The following PTPRU variants were observed in gnomAD, a reference collection of about 807,000 sequenced individuals.
PTPRU encodes receptor-type tyrosine-protein phosphatase U.
A neutral mutation model predicts 166.3 loss-of-function variants in PTPRU; 69 were observed. The ratio of observed to expected loss-of-function variants is 0.41; its 90% CI spans 0.34 to 0.51. The LOEUF (loss-of-function observed/expected upper bound fraction) is 0.51, where lower values mean the gene tolerates loss of function less well. Among genes scored for constraint, PTPRU ranks in the 20% least tolerant of loss-of-function variants. The pLI is 0.09. For synonymous variants in PTPRU, 793 were observed against 814.0 expected (o/e 0.97, Z 0.44); for missense variants, 1,657 against 2,013.7 (o/e 0.82, Z 3.39).
chr1:29,291,634 T>C lies in PTPRU; in HGVS notation c.2319-235T>C, dbSNP rs61783730. 0.067 allele frequency among the ~76,000 whole-genome samples: 10,144 copies of C among 152,268 alleles called. 378 individuals are homozygous for C. Among genetic ancestry groups the C allele is most frequent in the Non-Finnish European group, 0.094 (6,380 of 67,998 alleles). On this transcript the variant is annotated intron_variant, in intron 14 of 29. Coordinates refer to ENST00000373779, the MANE Select transcript of PTPRU (RefSeq NM_133178.4). This position sits in a 1 kb window ranked among gnomAD's most constrained non-coding sequence, Gnocchi z 4.1. ...CCTGAAGCCACTGCTGCTCCACCCC[T>C]TTCCCTTAGCAAAGGTCCCTAGGAC...
At chr1:29,252,746 C>T (rs1444135335) in intron 1 of PTPRU, among the ~76,000 whole-genome samples, 2 of 152,218 alleles carry the variant, frequency 1.3e-5, no homozygotes, top group African/African-American at 4.8e-5. Context: ...GGGAAAAGCT[C>T]TCTCAAACGG....
At chr1:29,281,852 C>T (rs1268864620) in intron 11 of PTPRU, among the ~76,000 whole-genome samples, 3 of 152,228 alleles carry the variant, frequency 2.0e-5, no homozygotes, top group Non-Finnish European at 4.4e-5. Flanking sequence ...CACGCCAAGA[C>T]GTGACCGAGA....
At chr1:29,310,387 C>T (rs912441528) in intron 18 of PTPRU, among the ~76,000 whole-genome samples, 6 of 152,112 alleles carry the variant, frequency 3.9e-5, no homozygotes, top group African/African-American at 1.4e-4. Context: ...ACCCTGGGAA[C>T]AGGGCAGGGC....
rs778603022 is a variant in PTPRU, at chr1:29,279,526, A to G, written c.1634A>G (p.Lys545Arg). 7 of 1,613,938 alleles carry G rather than the reference A, an allele frequency of 4.3e-6. No individual in the cohort carries two copies. Among genetic ancestry groups the G allele is most frequent in the South Asian group, 3.3e-5 (3 of 91,080 alleles). The change falls in exon 10 of 30, where the codon AAG becomes AGG. Residue 545 changes from lysine to arginine, a missense_variant. Physicochemically the swap from Lys to Arg is conservative, Grantham distance 26 (BLOSUM62 2). Coordinates refer to ENST00000373779, the MANE Select transcript of PTPRU (RefSeq NM_133178.4). This position sits in a 1 kb window ranked among gnomAD's most constrained non-coding sequence, Gnocchi z 5.2. ...NVPGPRRTIS[K>R]LRNETYHVFS... ...CCAGGCCCACGACGTACCATCTCCA[A>G]GCTCCGCAATGAGACCTACCATGTC...
At chr1:29,287,471 C>T (rs980253480) in intron 14 of PTPRU, among the ~76,000 whole-genome samples, 14 of 152,062 alleles carry the variant, frequency 9.2e-5, no homozygotes, top group African/African-American at 2.7e-4. Flanking sequence ...CCAGGGGAGT[C>T]GGGTCTCCCC....
rs867812710 is a variant in PTPRU at position 29,237,892 on chromosome 1, C to T, written c.73+1175C>T. On this transcript the variant is annotated intron_variant, in intron 1 of 29. Transcript: ENST00000373779. The surrounding 1 kb of genome is among the most constrained non-coding windows in gnomAD (Gnocchi z 6.4). ...CCCGGGCGGCCGGGCGGGGGCTGTCCCCGGGCTGGGCTGCGACGTCCGGGC... is the reference window on the plus strand; with the variant it reads ...CCCGGGCGGCCGGGCGGGGGCTGTCTCCGGGCTGGGCTGCGACGTCCGGGC... 1.0e-3 allele frequency among the ~76,000 whole-genome samples: 148 copies of T among 147,608 alleles called. No individual in the cohort carries two copies. In the Middle Eastern group the frequency reaches 0.021, roughly 20 times the overall value.
At position 29,319,234 on chromosome 1, in the gene PTPRU, A is replaced by C. The variant is rs116800491; in HGVS notation, c.3687+1313A>C. Among the ~76,000 whole-genome samples the C allele has an allele frequency of 6.8e-3, 1,029 of 152,210 alleles. 11 individuals are homozygous for C. Among genetic ancestry groups the C allele is most frequent in the African/African-American group, 0.023 (945 of 41,544 alleles). ...TAGTACCGGGAAGATCTTTGAACTAAACTTAGGAAGCTGTGCCCTCCCGCC... is the reference window on the plus strand; with the variant it reads ...TAGTACCGGGAAGATCTTTGAACTACACTTAGGAAGCTGTGCCCTCCCGCC... On this transcript the variant is annotated intron_variant, in intron 25 of 29. Coordinates refer to ENST00000373779, the MANE Select transcript of PTPRU (RefSeq NM_133178.4).
intron 12 of PTPRU, among the ~76,000 whole-genome samples, chr1:29,283,378 C>T (rs1220708094): frequency 6.6e-6 from 1 of 151,678 alleles, no homozygotes; most frequent in Non-Finnish European, 1.5e-5. Flanking sequence ...CCCCAGGCTC[C>T]TTCCCACAGA....
Position 29,311,820 on chromosome 1 carries a change from C to G in PTPRU, c.3072+61C>G, listed in dbSNP as rs1687679444. ...GCCTGAGCAGGGATTAGAGCCCACT[C>G]CCACTTCCCCCAGCCCTGGGAGCAG... On this transcript the variant is annotated intron_variant, in intron 21 of 29. Coordinates refer to ENST00000373779, the MANE Select transcript of PTPRU (RefSeq NM_133178.4). This position sits in a 1 kb window ranked among gnomAD's most constrained non-coding sequence, Gnocchi z 4.1. The G allele has an allele frequency of 1.0e-5, 15 of 1,469,530 alleles. No homozygotes were observed. Among genetic ancestry groups the G allele is most frequent in the Non-Finnish European group, 1.4e-5 (15 of 1,060,046 alleles). 91.0% of individuals were successfully genotyped at this position (1,469,530 alleles called of 1,614,324 possible).
rs1035267664 is a variant in PTPRU at position 29,260,224 on chromosome 1, T to C, written c.850+180T>C. On this transcript the variant is annotated intron_variant, in intron 6 of 29. Coordinates refer to ENST00000373779, the MANE Select transcript of PTPRU (RefSeq NM_133178.4). This position sits in a 1 kb window ranked among gnomAD's most constrained non-coding sequence, Gnocchi z 8.3. ...GTGGCCCAGCCGGGATGAGATCTGATCTAGGGGTCGGGGCTGGCTTCGAGG... is the reference window on the plus strand; with the variant it reads ...GTGGCCCAGCCGGGATGAGATCTGACCTAGGGGTCGGGGCTGGCTTCGAGG... 10 of 716,002 alleles carry C rather than the reference T, an allele frequency of 1.4e-5. No homozygotes were observed. Among genetic ancestry groups the C allele is most frequent in the Non-Finnish European group, 2.0e-5 (10 of 489,824 alleles). 44.4% of individuals were successfully genotyped at this position (716,002 alleles called of 1,614,324 possible).
intron 7 of PTPRU, among the ~76,000 whole-genome samples, chr1:29,264,284 G>GT (rs967717677): frequency 1.0e-4 from 15 of 150,712 alleles, no homozygotes; most frequent in South Asian, 8.4e-4. Context: ...TTTCTTGATA[G>GT]TTTTTTTTTG....
intron 1 of PTPRU, among the ~76,000 whole-genome samples, chr1:29,249,244 C>T (rs1309945455): frequency 6.6e-6 from 1 of 152,228 alleles, no homozygotes; most frequent in African/African-American, 2.4e-5. Context: ...CCCCTCCCAC[C>T]AGGGAGACCC....
intron 5 of PTPRU, 111 bp downstream of exon 5, chr1:29,259,675 G>A: frequency 7.9e-7 from 1 of 1,261,030 alleles, no homozygotes. Context: ...CTCCAGCACT[G>A]CGCACAGCGT....
intron 7 of PTPRU, among the ~76,000 whole-genome samples, chr1:29,270,216 G>A (rs781188754): frequency 1.3e-5 from 2 of 152,160 alleles, no homozygotes; most frequent in African/African-American, 4.8e-5. Flanking sequence ...CTGTAGGCTG[G>A]TAATGACTGT....
chr1:29,296,001 A>G (rs1253271774), intron 15 of PTPRU, among the ~76,000 whole-genome samples: 2 of 152,066 alleles, frequency 1.3e-5, no homozygotes, highest in Non-Finnish European at 2.9e-5. Context: ...TTATATACAT[A>G]CTTCTCGATA....
chr1:29,282,799 C>T lies in PTPRU; in HGVS notation c.1992C>T (p.Tyr664=). ...CGCTGGCCCGAGGCCTGGTGCACTA[C>T]TTCGGGGCCGAACTGGCGGCCAGCA... ...EAALARGLVH[Y]FGAELAASSL... The change falls in exon 12 of 30, where the codon TAC becomes TAT. Residue 664 remains tyrosine, a synonymous_variant. Transcript: ENST00000373779. 1.2e-6 allele frequency: 2 copies of T among 1,614,164 alleles called. No homozygotes were observed. The highest frequency in any genetic ancestry group is 1.3e-5 in the African/African-American group (1 of 75,044).
At chr1:29,307,963 G>A (rs527249228) in intron 18 of PTPRU, among the ~76,000 whole-genome samples, 1 of 152,006 alleles carries the variant, frequency 6.6e-6, no homozygotes, top group East Asian at 1.9e-4. Context: ...GTTTCACCAT[G>A]TTAGGCTGGT....
rs936964613 is a variant in PTPRU, at chr1:29,275,676, A to G, written c.1373A>G (p.Asn458Ser). The G allele has an allele frequency of 1.2e-6, 2 of 1,614,184 alleles. No homozygotes were observed. The highest frequency in any genetic ancestry group is 8.5e-7 in the Non-Finnish European group (1 of 1,180,034). ...ATCAAGAACCTGCTGCCCTATCGGAACGTTCACGTGAGGCTTGTCCTCACT... is the reference window on the plus strand; with the variant it reads ...ATCAAGAACCTGCTGCCCTATCGGAGCGTTCACGTGAGGCTTGTCCTCACT... ...YTIKNLLPYR[N>S]VHVRLVLTNP... Residue 458 changes from asparagine to serine, a missense_variant, in exon 8 of 30, where the codon AAC becomes AGC. Coordinates refer to ENST00000373779, the MANE Select transcript of PTPRU (RefSeq NM_133178.4).
intron 11 of PTPRU, 132 bp from the exon 12 acceptor site, chr1:29,282,544 C>T (rs1009745757): frequency 7.9e-7 from 1 of 1,261,998 alleles, no homozygotes; most frequent in South Asian, 1.5e-5. Context: ...ACTTGCCCAG[C>T]TAGTAAGGAG....
Sources: gnomAD v4.1 joint callset for allele counts (sites outside exome capture counted in the v4.1 genomes callset) on GRCh38, gnomAD v4.1.1 for gene constraint, Gnocchi (gnomAD v3.1) non-coding constraint, MANE v1.5 for transcripts, NCBI Gene and HGNC (gene_info 2026-07-23, HGNC 2026-07-21) for gene names.